The following GNG7 variants were observed in gnomAD, a reference collection of about 807,000 sequenced individuals.
The protein encoded by GNG7 is guanine nucleotide-binding protein G(I)/G(S)/G(O) subunit gamma-7.
GNG7 carries 1 observed loss-of-function variant against 4.0 expected under a neutral mutation model. The ratio of observed to expected loss-of-function variants is 0.25; its 90% CI spans 0.09 to 1.18. GNG7 has a LOEUF of 1.18. GNG7 is among the 50% of genes most tolerant of loss of function. GNG7 has a pLI of 0.50. For missense variants in GNG7, 86 were observed against 91.9 expected (o/e 0.94, Z 0.26); for synonymous variants, 34 against 36.9 (o/e 0.92, Z 0.29).
chr19:2,604,886 C>A (rs1287444920), intron 2 of GNG7, among the ~76,000 whole-genome samples: 2 of 152,190 alleles, frequency 1.3e-5, no homozygotes, highest in Admixed American at 6.6e-5. Flanking sequence ...CACCTGAAAT[C>A]CTGGGATGAA....
intron 2 of GNG7, among the ~76,000 whole-genome samples, chr19:2,565,233 C>T (rs1305988966): frequency 3.3e-5 from 5 of 152,152 alleles, no homozygotes; most frequent in Admixed American, 1.3e-4. Context: ...AAAGCTGTGC[C>T]AGGCGCGGTG....
intron 2 of GNG7, among the ~76,000 whole-genome samples, chr19:2,567,361 C>T (rs1307264178): frequency 2.8e-5 from 1 of 35,516 alleles, no homozygotes; most frequent in African/African-American, 2.2e-4. Context: ...GACATAGGGT[C>T]TCACTCTGTC....
intron 3 of GNG7, among the ~76,000 whole-genome samples, chr19:2,523,899 G>T (rs1326871443): frequency 6.6e-6 from 1 of 152,142 alleles, no homozygotes; most frequent in Non-Finnish European, 1.5e-5. Flanking sequence ...CCCACTTTTT[G>T]GGGGCAGAGA....
At chr19:2,539,307 AC>A (rs1978864876) in intron 3 of GNG7, among the ~76,000 whole-genome samples, 1 of 132,658 alleles carries the variant, frequency 7.5e-6, no homozygotes. Flanking sequence ...ATATATACCA[AC>A]TTTTTTTTTT....
chr19:2,539,868 C>G (rs931485419), intron 3 of GNG7, among the ~76,000 whole-genome samples: 1 of 128,002 alleles, frequency 7.8e-6, no homozygotes, highest in African/African-American at 3.0e-5. Context: ...CTCCCTTCTT[C>G]TTTCTCTCTC....
intron 2 of GNG7, among the ~76,000 whole-genome samples, chr19:2,612,525 C>T (rs928034956): frequency 6.6e-6 from 1 of 152,042 alleles, no homozygotes; most frequent in Non-Finnish European, 1.5e-5. Context: ...CAGGCAGGAC[C>T]CAGGCTCCCA....
intron 2 of GNG7, among the ~76,000 whole-genome samples, chr19:2,568,348 TAC>T (rs370710803): frequency 0.047 from 6,941 of 148,864 alleles, 527 homozygotes; most frequent in African/African-American, 0.16. Context: ...TAGACATACA[TAC>T]ACACACGTGC....
At chr19:2,585,967 T>G (rs2144796211) in intron 2 of GNG7, among the ~76,000 whole-genome samples, 1 of 152,356 alleles carries the variant, frequency 6.6e-6, no homozygotes, top group Non-Finnish European at 1.5e-5. Flanking sequence ...CCCAAAGTGC[T>G]GGGATTACAG....
Position 2,617,783 on chromosome 19 carries a change from G to A in GNG7, c.-78+28441C>T, listed in dbSNP as rs1981761883. On this transcript the variant is annotated intron_variant, in intron 2 of 4. Coordinates refer to ENST00000382159, the MANE Select transcript of GNG7 (RefSeq NM_052847.3). This position sits in a 1 kb window ranked among gnomAD's most constrained non-coding sequence, Gnocchi z 4.7. ...GCCCAGGCTGGAGTGCAGTGGTGCA[G>A]TCACAGCTCACCGCAACCTCAGCCT... Among the ~76,000 whole-genome samples, 1 of 150,540 alleles carries A rather than the reference G, an allele frequency of 6.6e-6. No homozygotes were observed.
intron 1 of GNG7, among the ~76,000 whole-genome samples, chr19:2,658,388 T>A (rs1445744615): frequency 5.3e-5 from 8 of 150,400 alleles, no homozygotes; most frequent in African/African-American, 2.0e-4. Context: ...TGGAAAAGGC[T>A]TTTTAGCCCC....
chr19:2,602,633 G>A (rs1433065600), intron 2 of GNG7, among the ~76,000 whole-genome samples: 4 of 152,250 alleles, frequency 2.6e-5, no homozygotes, highest in African/African-American at 7.2e-5. Context: ...CTACGCAATC[G>A]TCACAGCATG....
intron 2 of GNG7, among the ~76,000 whole-genome samples, chr19:2,645,227 TTCTC>T (rs1226861691): frequency 4.9e-4 from 68 of 137,486 alleles, no homozygotes; most frequent in African/African-American, 1.2e-3. Flanking sequence ...TTTCTTTCTT[TTCTC>T]TCTCTCTCTC....
intron 1 of GNG7, among the ~76,000 whole-genome samples, chr19:2,699,086 CT>C (rs1913337509): frequency 1.3e-5 from 2 of 151,372 alleles, no homozygotes; most frequent in African/African-American, 4.9e-5. Flanking sequence ...TTCAGGCCAT[CT>C]TCTAAATCAG....
In GNG7 at chr19:2,617,716, C is replaced by T. The variant is rs1187426265; in HGVS notation, c.-78+28508G>A. Among the ~76,000 whole-genome samples, 1 of 149,000 alleles carries T rather than the reference C, an allele frequency of 6.7e-6. No homozygotes were observed. Among genetic ancestry groups the T allele is most frequent in the South Asian group, 2.1e-4 (1 of 4,780 alleles). On this transcript the variant is annotated intron_variant, in intron 2 of 4. Coordinates refer to ENST00000382159, the MANE Select transcript of GNG7 (RefSeq NM_052847.3). The surrounding 1 kb of genome is among the most constrained non-coding windows in gnomAD (Gnocchi z 4.7). Reference sequence around the variant, plus strand: ...CCACCTCATCCTATTTTGTCTTTTCCTTTTTATTTTTTTTTTTTTTGAGAT... The same window carrying T: ...CCACCTCATCCTATTTTGTCTTTTCTTTTTTATTTTTTTTTTTTTTGAGAT...
chr19:2,598,469 A>G (rs1264273404), intron 2 of GNG7, among the ~76,000 whole-genome samples: 16 of 151,090 alleles, frequency 1.1e-4, no homozygotes, highest in Non-Finnish European at 1.9e-4. Context: ...CATCCTGGCT[A>G]ACACGGTGAA....
At chr19:2,683,492 T>TG (rs1296438223) in intron 1 of GNG7, 1 of 152,166 alleles carries the variant, frequency 6.6e-6, no homozygotes, top group Admixed American at 6.5e-5. Flanking sequence ...GCTCTTGAGG[T>TG]AGGAGCCTCT....
chr19:2,590,073 A>G (rs1464404922), intron 2 of GNG7, among the ~76,000 whole-genome samples: 2 of 152,174 alleles, frequency 1.3e-5, no homozygotes, highest in East Asian at 1.9e-4. Flanking sequence ...CGGCCTCCCA[A>G]AGTGCTGGGA....
At chr19:2,589,683 G>A (rs897664299) in intron 2 of GNG7, among the ~76,000 whole-genome samples, 6 of 152,106 alleles carry the variant, frequency 3.9e-5, no homozygotes, top group South Asian at 2.1e-4. Flanking sequence ...GGCCCTGCGC[G>A]TAGGGGGTTG....
At chr19:2,590,490 C>T (rs952036255) in intron 2 of GNG7, among the ~76,000 whole-genome samples, 1 of 150,750 alleles carries the variant, frequency 6.6e-6, no homozygotes, top group African/African-American at 2.4e-5. Context: ...TCTGTTCATC[C>T]ATCCATCCAT....
Sources: allele counts gnomAD v4.1 joint callset (sites outside exome capture counted in the v4.1 genomes callset), GRCh38; gene constraint gnomAD v4.1.1; non-coding constraint Gnocchi (gnomAD v3.1); transcripts MANE v1.5; gene names NCBI Gene and HGNC (gene_info 2026-07-23, HGNC 2026-07-21).